Variants in PALLD observed in about 807,000 individuals in gnomAD.
The protein encoded by PALLD is palladin.
Under a neutral mutation model 123.5 loss-of-function variants are expected in PALLD, and 61 were observed. The observed-to-expected ratio is 0.49, with a 90% CI of 0.40 to 0.61. PALLD has a LOEUF of 0.61. Ranked by LOEUF, PALLD falls within the 20% of genes least tolerant of loss-of-function variation. PALLD has a pLI of 0.00. For missense variants in PALLD, 1,273 were observed against 1,377.0 expected, an observed-to-expected ratio of 0.92 and a Z score of 1.20; for synonymous variants, 465 against 496.4, an observed-to-expected ratio of 0.94 and a Z score of 0.84.
chr4:168,584,616 C>A (rs1400494009), intron 2 of PALLD, among the ~76,000 whole-genome samples: 1 of 152,148 alleles, frequency 6.6e-6, no homozygotes. Context: ...CTATCTTAGT[C>A]ACCAAGTATG....
intron 2 of PALLD, among the ~76,000 whole-genome samples, chr4:168,601,654 T>C (rs1291378038): frequency 1.3e-5 from 2 of 152,150 alleles, no homozygotes; most frequent in African/African-American, 4.8e-5. Context: ...TAATCTAACA[T>C]GCCCAGGTTA....
intron 10 of PALLD, chr4:168,831,912 G>C (rs979381562): frequency 1.4e-6 from 1 of 710,654 alleles, no homozygotes; most frequent in African/African-American, 1.9e-5. Flanking sequence ...ACAAGGTTAC[G>C]AGTGGGTGCG....
chr4:168,497,390 G>A (rs1760859484), intron 1 of PALLD, among the ~76,000 whole-genome samples, 196 bp downstream of exon 1: 1 of 152,166 alleles, frequency 6.6e-6, no homozygotes, highest in South Asian at 2.1e-4. Context: ...CGTAAGATTT[G>A]CCTGCCCACT....
intron 2 of PALLD, among the ~76,000 whole-genome samples, chr4:168,585,801 A>G (rs1158149599): frequency 6.6e-6 from 1 of 152,198 alleles, no homozygotes; most frequent in Non-Finnish European, 1.5e-5. Flanking sequence ...TTTCCCAAAC[A>G]ATGTCAGAGT....
At chr4:168,887,066 G>A (rs559161064) in intron 10 of PALLD, among the ~76,000 whole-genome samples, 12 of 138,386 alleles carry the variant, frequency 8.7e-5, no homozygotes, top group Non-Finnish European at 1.5e-4. Context: ...GCAGTGAGCC[G>A]AGATGGTGCC....
chr4:168,524,793 T>C (rs1272810794), intron 2 of PALLD, among the ~76,000 whole-genome samples: 1 of 152,144 alleles, frequency 6.6e-6, no homozygotes, highest in Non-Finnish European at 1.5e-5. Flanking sequence ...AGAGCCATGA[T>C]TGATTCTTTA....
chr4:168,747,057 T>A (rs1423759988), intron 10 of PALLD, among the ~76,000 whole-genome samples: 1 of 152,224 alleles, frequency 6.6e-6, no homozygotes, highest in African/African-American at 2.4e-5. Flanking sequence ...AAATGATGCC[T>A]GTTTCTTATT....
chr4:168,582,231 G>A (rs1247215836), intron 2 of PALLD, among the ~76,000 whole-genome samples: 10 of 152,036 alleles, frequency 6.6e-5, no homozygotes, highest in African/African-American at 2.4e-4. Context: ...TTGATTTTAT[G>A]CTATTGTAAA....
intron 2 of PALLD, among the ~76,000 whole-genome samples, chr4:168,514,098 G>A (rs1040021529): frequency 1.3e-5 from 2 of 150,786 alleles, no homozygotes; most frequent in African/African-American, 2.4e-5. Flanking sequence ...GTGACAGAGC[G>A]AGACTCTGTC....
chr4:168,853,896 A>G (rs1051793258), intron 10 of PALLD, among the ~76,000 whole-genome samples: 17 of 152,224 alleles, frequency 1.1e-4, no homozygotes, highest in African/African-American at 4.1e-4. Flanking sequence ...GATGAGACGG[A>G]TGGAGACAGG....
intron 2 of PALLD, among the ~76,000 whole-genome samples, chr4:168,588,048 A>G (rs1042516975): frequency 6.6e-6 from 1 of 151,858 alleles, no homozygotes; most frequent in African/African-American, 2.4e-5. Context: ...ATCTGGTGCT[A>G]ACTGGCGCTC....
intron 10 of PALLD, among the ~76,000 whole-genome samples, chr4:168,761,052 C>T (rs945166566): frequency 3.9e-5 from 6 of 152,294 alleles, no homozygotes; most frequent in Middle Eastern, 3.4e-3. Flanking sequence ...GACTGAGTTG[C>T]AAGTCAAAGT....
intron 2 of PALLD, among the ~76,000 whole-genome samples, chr4:168,638,142 CACTT>C (rs1187755617): frequency 3.3e-5 from 5 of 152,124 alleles, no homozygotes; most frequent in Non-Finnish European, 7.3e-5. Context: ...AGTTTATCCT[CACTT>C]ACTATGTGTC....
chr4:168,767,913 A>G (rs1733903824), intron 10 of PALLD, among the ~76,000 whole-genome samples: 1 of 151,878 alleles, frequency 6.6e-6, no homozygotes. Flanking sequence ...TTTCACCCCT[A>G]CACCAGCCCA....
chr4:168,571,392 T>G (rs193088918), intron 2 of PALLD, among the ~76,000 whole-genome samples: 4 of 152,314 alleles, frequency 2.6e-5, no homozygotes, highest in African/African-American at 9.6e-5. Context: ...CAAATTTATC[T>G]GCTTTGATAG....
At chr4:168,741,384 T>A (rs1442952579) in intron 10 of PALLD, among the ~76,000 whole-genome samples, 1 of 151,752 alleles carries the variant, frequency 6.6e-6, no homozygotes, top group African/African-American at 2.4e-5. Flanking sequence ...TTGATAAGAA[T>A]AGTTGTCAAG....
chr4:168,570,064 A>T (rs931327505), intron 2 of PALLD, among the ~76,000 whole-genome samples: 18 of 152,142 alleles, frequency 1.2e-4, no homozygotes, highest in Admixed American at 3.9e-4. Context: ...GTTGTAATTC[A>T]ACAGGGAACC....
At chr4:168,685,334 G>A (rs1781929095) in intron 5 of PALLD, 151 bp from the exon 6 acceptor site, 14 of 716,632 alleles carry the variant, frequency 2.0e-5, no homozygotes, top group Non-Finnish European at 3.1e-5. Context: ...TGTCTGTACT[G>A]TAAGAGCAGA....
rs574437516 is a variant in PALLD, at chr4:168,810,848, A to G, written c.1965-80074A>G. Among the ~76,000 whole-genome samples, 98 of 151,740 alleles carry G rather than the reference A, an allele frequency of 6.5e-4. 1 individual carries two copies. The highest frequency in any genetic ancestry group is 2.2e-3 in the African/African-American group (90 of 41,384). On this transcript the variant is annotated intron_variant, in intron 10 of 21. Transcript: ENST00000505667. ...AAAAGAAAAAAAAAGAAGAAGAAGA[A>G]GAAAATTCAGGATAGCCAAAGTATG... is the stretch of plus-strand genomic sequence containing the variant.
Sources: allele counts gnomAD v4.1 joint callset (sites outside exome capture counted in the v4.1 genomes callset), GRCh38; gene constraint gnomAD v4.1.1; transcripts MANE v1.5; gene names NCBI Gene and HGNC (gene_info 2026-07-23, HGNC 2026-07-21).